The following CASZ1 variants were observed in gnomAD, a reference collection of about 807,000 sequenced individuals.
CASZ1 encodes castor zinc finger 1, also known as zinc finger protein castor homolog 1.
In CASZ1, 28 loss-of-function variants were observed where a neutral mutation model predicts 135.2. The observed-to-expected ratio is 0.21, with a 90% CI of 0.15 to 0.28. The LOEUF (loss-of-function observed/expected upper bound fraction) is 0.28. Ranked by LOEUF, CASZ1 falls within the 10% of genes least tolerant of loss-of-function variation. The probability of loss-of-function intolerance (pLI) is 1.00; values close to 1 mark genes in which losing one functional copy is unlikely to be tolerated. For synonymous variants in CASZ1, 1,068 were observed against 1,073.4 expected (o/e 0.99, Z 0.10); for missense variants, 2,161 against 2,453.3 (o/e 0.88, Z 2.52).
rs762459217 is a variant in CASZ1 at position 10,665,492 on chromosome 1, G to A, written c.96C>T (p.Asn32=). The change falls in exon 5 of 21, where the codon AAC becomes AAT. Residue 32 remains asparagine, a synonymous_variant. Transcript: ENST00000377022. ...APKRKGGLKL[N]AICAKLSRQV... The stretch of plus-strand genomic sequence containing the variant: ...GGCGGCTCAGCTTGGCGCAGATGGC[G>A]TTCAGCTTCAGGCCACCCTTGCGTT... 16 of 1,606,248 alleles carry A rather than the reference G, an allele frequency of 1.0e-5. No individual in the cohort carries two copies. The Admixed American group carries it at 1.3e-4, about 13-fold the overall frequency.
chr1:10,710,192 G>A (rs1639259705), intron 2 of CASZ1, among the ~76,000 whole-genome samples: 3 of 152,150 alleles, frequency 2.0e-5, no homozygotes, highest in Admixed American at 2.0e-4. Flanking sequence ...CCACCCTGAG[G>A]CTGGCTCAGC....
rs988808605 is a variant in CASZ1 at position 10,700,072 on chromosome 1, G to C, written c.-24+5420C>G. 8.4e-5 allele frequency among the ~76,000 whole-genome samples: 7 copies of C among 83,180 alleles called. No homozygotes were observed. The highest frequency in any genetic ancestry group is 1.7e-4 in the Non-Finnish European group (7 of 41,890). 54.6% of individuals were successfully genotyped at this position (83,180 alleles called of 152,430 possible). On this transcript the variant is annotated intron_variant, in intron 3 of 20. Transcript: ENST00000377022. This position sits in a 1 kb window ranked among gnomAD's most constrained non-coding sequence, Gnocchi z 4.2. ...AGAAAGAGAGACAGAGAGAGAAAGAGAGATAGAGACACACACACACACACA... is the reference window on the plus strand; with the variant it reads ...AGAAAGAGAGACAGAGAGAGAAAGACAGATAGAGACACACACACACACACA...
chr1:10,640,255 C>G (rs1467583077), intron 20 of CASZ1, among the ~76,000 whole-genome samples, 196 bp from the exon 21 acceptor site: 1 of 152,224 alleles, frequency 6.6e-6, no homozygotes, highest in Non-Finnish European at 1.5e-5. Context: ...TCCTGGGCTT[C>G]CCCTCCTCAT....
At position 10,719,347 on chromosome 1, in the gene CASZ1, G is replaced by A. The variant is rs12742748; in HGVS notation, c.-76-13803C>T. ...ATCAAAAGCCCTCATTCTTTTGACCGTACCCCACTGCCTTCCCTTTAGACC... is the reference window on the plus strand; with the variant it reads ...ATCAAAAGCCCTCATTCTTTTGACCATACCCCACTGCCTTCCCTTTAGACC... On this transcript the variant is annotated intron_variant, in intron 2 of 20. Coordinates refer to ENST00000377022, the MANE Select transcript of CASZ1 (RefSeq NM_001079843.3). The surrounding 1 kb of genome is among the most constrained non-coding windows in gnomAD (Gnocchi z 4.0). Among the ~76,000 whole-genome samples, 2,944 of 152,284 alleles carry A rather than the reference G, an allele frequency of 0.019. 53 individuals are homozygous for A. Among genetic ancestry groups the A allele is most frequent in the Non-Finnish European group, 0.028 (1,905 of 68,022 alleles).
At position 10,724,181 on chromosome 1, in the gene CASZ1, C is replaced by T. The variant is rs919150818; in HGVS notation, c.-76-18637G>A. 6.6e-6 allele frequency among the ~76,000 whole-genome samples: 1 copy of T among 152,166 alleles called. No individual in the cohort carries two copies. Among genetic ancestry groups the T allele is most frequent in the African/African-American group, 2.4e-5 (1 of 41,422 alleles). ...CCAGCTTTAAAAATACCCCAGCACA[C>T]GATCCACAGGGTGAGAGCAAAGGCC... On this transcript the variant is annotated intron_variant, in intron 2 of 20. Coordinates refer to ENST00000377022, the MANE Select transcript of CASZ1 (RefSeq NM_001079843.3). This position sits in a 1 kb window ranked among gnomAD's most constrained non-coding sequence, Gnocchi z 4.1.
chr1:10,700,215 T>A lies in CASZ1; in HGVS notation c.-24+5277A>T, dbSNP rs989250759. On this transcript the variant is annotated intron_variant, in intron 3 of 20. Transcript: ENST00000377022. The surrounding 1 kb of genome is among the most constrained non-coding windows in gnomAD (Gnocchi z 4.2). ...CGGGGACCTGTTCTGGAATGTTGGG[T>A]TGGCATTTTGTCTCAGTTACAATGA... Among the ~76,000 whole-genome samples, 2 of 152,034 alleles carry A rather than the reference T, an allele frequency of 1.3e-5. No homozygotes were observed. The highest frequency in any genetic ancestry group is 4.8e-5 in the African/African-American group (2 of 41,392).
At chr1:10,713,771 C>T (rs1639328442) in intron 2 of CASZ1, among the ~76,000 whole-genome samples, 1 of 151,708 alleles carries the variant, frequency 6.6e-6, no homozygotes, top group Admixed American at 6.6e-5. Context: ...GGGACAGCCA[C>T]CTCTCACATG....
Position 10,669,272 on chromosome 1 carries a change from G to T in CASZ1, c.17-3701C>A, listed in dbSNP as rs576123060. Among the ~76,000 whole-genome samples, 199 of 152,260 alleles carry T rather than the reference G, an allele frequency of 1.3e-3. 1 individual carries two copies. Among genetic ancestry groups the T allele is most frequent in the African/African-American group, 4.4e-3 (181 of 41,560 alleles). On this transcript the variant is annotated intron_variant, in intron 4 of 20. Coordinates refer to ENST00000377022, the MANE Select transcript of CASZ1 (RefSeq NM_001079843.3). Reference sequence around the variant, plus strand: ...GGGACTTGGCCCCATCCCCATTAGGGCCCCTAAGCCGGCCCTAGGAAATCC... The same window carrying T: ...GGGACTTGGCCCCATCCCCATTAGGTCCCCTAAGCCGGCCCTAGGAAATCC...
intron 20 of CASZ1, among the ~76,000 whole-genome samples, chr1:10,641,402 G>A (rs546427238): frequency 1.3e-5 from 2 of 152,196 alleles, no homozygotes; most frequent in Non-Finnish European, 2.9e-5. Context: ...AGAATTAGCA[G>A]AGGAGTCCGA....
chr1:10,687,934 C>T (rs2100387178), intron 4 of CASZ1, among the ~76,000 whole-genome samples: 1 of 152,314 alleles, frequency 6.6e-6, no homozygotes, highest in South Asian at 2.1e-4. Context: ...GAGCTAAAAC[C>T]CAGGTCCCAA....
chr1:10,786,977 G>A (rs771844127), intron 1 of CASZ1, among the ~76,000 whole-genome samples: 17 of 152,158 alleles, frequency 1.1e-4, no homozygotes, highest in Non-Finnish European at 1.9e-4. Flanking sequence ...CTTTGAGACT[G>A]ATACCATATG....
chr1:10,699,617 G>A lies in CASZ1; in HGVS notation c.-23-5705C>T, dbSNP rs1183507082. ...AGGAGTGCCAGCAGGGGAGGCACCC[G>A]CAAACAAAACAAAAACAAAAAAGTT... On this transcript the variant is annotated intron_variant, in intron 3 of 20. Coordinates refer to ENST00000377022, the MANE Select transcript of CASZ1 (RefSeq NM_001079843.3). This position sits in a 1 kb window ranked among gnomAD's most constrained non-coding sequence, Gnocchi z 4.6. Among the ~76,000 whole-genome samples, 1 of 152,120 alleles carries A rather than the reference G, an allele frequency of 6.6e-6. No homozygotes were observed. Among genetic ancestry groups the A allele is most frequent in the Non-Finnish European group, 1.5e-5 (1 of 68,016 alleles).
rs1209376312 is a variant in CASZ1, at chr1:10,636,710, C to A, written c.*2232G>T. 6.7e-6 allele frequency: 1 copy of A among 149,960 alleles called. No homozygotes were observed. The highest frequency in any genetic ancestry group is 1.5e-5 in the Non-Finnish European group (1 of 67,668). 9.3% of individuals were successfully genotyped at this position (149,960 alleles called of 1,614,324 possible). A position where few individuals can be genotyped will look rare whatever the true frequency, so the allele number is the denominator to read the frequency against. On this transcript the variant is annotated 3_prime_UTR_variant, in exon 21 of 21. Transcript: ENST00000377022. ...AACACATATATTAAATTTCTAATAG[C>A]ACTAAATTCAAGTGGAAAAATATTC...
At chr1:10,716,138 G>T (rs1264825376) in intron 2 of CASZ1, among the ~76,000 whole-genome samples, 2 of 82,290 alleles carry the variant, frequency 2.4e-5, no homozygotes, top group African/African-American at 4.8e-5. Context: ...CACCCAATCC[G>T]CTCCCCACAG....
chr1:10,708,781 G>C lies in CASZ1; in HGVS notation c.-76-3237C>G, dbSNP rs982274479. ...ATAAAAGAGAGTGAGAAGAGGAGGA[G>C]AGGAGAGAGTGAAAGACAGAGGGGA... is the stretch of plus-strand genomic sequence containing the variant. On this transcript the variant is annotated intron_variant, in intron 2 of 20. Coordinates refer to ENST00000377022, the MANE Select transcript of CASZ1 (RefSeq NM_001079843.3). Among the ~76,000 whole-genome samples, 4 of 152,056 alleles carry C rather than the reference G, an allele frequency of 2.6e-5. No individual in the cohort carries two copies. The South Asian group carries it at 8.3e-4, about 32-fold the overall frequency.
At chr1:10,738,414 C>A (rs374197717) in intron 2 of CASZ1, among the ~76,000 whole-genome samples, 1 of 152,236 alleles carries the variant, frequency 6.6e-6, no homozygotes, top group African/African-American at 2.4e-5. Context: ...GCTGGCAGGA[C>A]GGGTGCCCAC....
intron 4 of CASZ1, among the ~76,000 whole-genome samples, chr1:10,671,197 C>T (rs1388930595): frequency 6.6e-6 from 1 of 152,242 alleles, no homozygotes; most frequent in Non-Finnish European, 1.5e-5. Context: ...ATCCACCGCA[C>T]AGGCTGGCTA....
At chr1:10,670,368 G>A (rs1039001357) in intron 4 of CASZ1, among the ~76,000 whole-genome samples, 1 of 152,214 alleles carries the variant, frequency 6.6e-6, no homozygotes, top group African/African-American at 2.4e-5. Flanking sequence ...GATGCCCAAG[G>A]TCATAATCTT....
chr1:10,676,684 G>C lies in CASZ1; in HGVS notation c.17-11113C>G, dbSNP rs1225907025. On this transcript the variant is annotated intron_variant, in intron 4 of 20. Transcript: ENST00000377022. This position sits in a 1 kb window ranked among gnomAD's most constrained non-coding sequence, Gnocchi z 4.5. ...CTCGACCAGCCTACAGCTCAGAAAC[G>C]AGCCCCTGGCCCGGGGCGAGCAGCC... is the stretch of plus-strand genomic sequence containing the variant. Among the ~76,000 whole-genome samples, 2 of 152,130 alleles carry C rather than the reference G, an allele frequency of 1.3e-5. No homozygotes were observed. The highest frequency in any genetic ancestry group is 4.1e-4 in the South Asian group (2 of 4,826).
Sources: allele counts gnomAD v4.1 joint callset (sites outside exome capture counted in the v4.1 genomes callset), GRCh38; gene constraint gnomAD v4.1.1; non-coding constraint Gnocchi (gnomAD v3.1); transcripts MANE v1.5; gene names NCBI Gene and HGNC (gene_info 2026-07-23, HGNC 2026-07-21).